Variants in SYCP2 observed in about 807,000 individuals in gnomAD.
SYCP2 encodes synaptonemal complex lateral element protein.
SYCP2 carries 55 observed loss-of-function variants against 211.3 expected under a neutral mutation model. That is an observed-to-expected ratio of 0.26 (90% CI 0.21 to 0.33). The LOEUF (loss-of-function observed/expected upper bound fraction) is 0.33. Among genes scored for constraint, SYCP2 ranks in the 10% least tolerant of loss-of-function variants. The pLI, the probability that SYCP2 is intolerant of heterozygous loss-of-function variation, is 1.00. For missense variants in SYCP2, 1,731 were observed against 1,752.0 expected, an observed-to-expected ratio of 0.99 and a Z score of 0.21; for synonymous variants, 570 against 555.2, an observed-to-expected ratio of 1.03 and a Z score of -0.37.
chr20:59,870,459 C>G (rs2059430053), intron 35 of SYCP2, among the ~76,000 whole-genome samples: 1 of 151,140 alleles, frequency 6.6e-6, no homozygotes, highest in African/African-American at 2.4e-5. Context: ...TTTAATACAG[C>G]AAAAAGAAGA....
chr20:59,907,312 G>A (rs974576883), intron 15 of SYCP2, 52 bp downstream of exon 15: 3 of 1,166,558 alleles, frequency 2.6e-6, no homozygotes, highest in African/African-American at 1.5e-5. Context: ...TGTAACATTT[G>A]TTCCATATGG....
chr20:59,890,697 G>C (rs181155440), intron 24 of SYCP2, among the ~76,000 whole-genome samples: 9 of 151,732 alleles, frequency 5.9e-5, no homozygotes, highest in Non-Finnish European at 1.2e-4. Flanking sequence ...CTGAAAACAG[G>C]AAGTTGATTT....
At chr20:59,875,547 A>T (rs767240938) in intron 33 of SYCP2, 78 bp from the exon 34 acceptor site, 1 of 1,077,096 alleles carries the variant, frequency 9.3e-7, no homozygotes, top group Non-Finnish European at 1.3e-6. Context: ...ATTATATTCA[A>T]ATATTTATTA....
In SYCP2 at chr20:59,865,851, CT is replaced by C; in HGVS notation, c.4334del (p.Lys1445ArgfsTer20). The C allele has an allele frequency of 1.4e-6, 2 of 1,421,164 alleles. No homozygotes were observed. The highest frequency in any genetic ancestry group is 1.9e-6 in the Non-Finnish European group (2 of 1,062,702). 88.0% of individuals were successfully genotyped at this position (1,421,164 alleles called of 1,614,324 possible). A position where few individuals can be genotyped will look rare whatever the true frequency, so the allele number is the denominator to read the frequency against. On this transcript the variant is annotated frameshift_variant, in exon 42 of 45. Transcript: ENST00000357552. LOFTEE classifies it high-confidence loss of function. ...LEKEFVDFWE[K>X]IFQKFSAYQK... ...GATATGCACTGAACTTCTGAAATATCTTTTCCCAAAAGTCCTAAATTAATTA... is the reference window on the plus strand; with the variant it reads ...GATATGCACTGAACTTCTGAAATATCTTTCCCAAAAGTCCTAAATTAATTA...
intron 24 of SYCP2, among the ~76,000 whole-genome samples, chr20:59,889,781 G>C (rs992817377): frequency 3.3e-5 from 5 of 151,980 alleles, no homozygotes; most frequent in Non-Finnish European, 1.5e-5. Context: ...CTGTGCCACT[G>C]AACTACCAAG....
intron 15 of SYCP2, among the ~76,000 whole-genome samples, chr20:59,904,060 ACAAG>A (rs1202009891): frequency 8.5e-5 from 13 of 152,286 alleles, no homozygotes; most frequent in African/African-American, 3.1e-4. Flanking sequence ...AGAAAAGAAG[ACAAG>A]CAAGTATTTA....
intron 2 of SYCP2, among the ~76,000 whole-genome samples, chr20:59,931,225 G>C (rs758421494): frequency 2.0e-5 from 3 of 152,200 alleles, no homozygotes; most frequent in Non-Finnish European, 4.4e-5. Flanking sequence ...CTCCAGACCA[G>C]CATGGGCAAC....
intron 18 of SYCP2, among the ~76,000 whole-genome samples, chr20:59,899,022 T>C (rs186814019): frequency 1.3e-5 from 2 of 152,228 alleles, no homozygotes; most frequent in Admixed American, 6.5e-5. Context: ...CACAAAACTT[T>C]TGGAGTAGAA....
intron 13 of SYCP2, chr20:59,912,103 T>C (rs1600950449): frequency 2.4e-6 from 1 of 413,608 alleles, no homozygotes; most frequent in East Asian, 4.3e-5. Flanking sequence ...CTAGTTTGAA[T>C]AGATTCATAC....
At chr20:59,876,049 G>T (rs1185595958) in intron 33 of SYCP2, among the ~76,000 whole-genome samples, 1 of 151,982 alleles carries the variant, frequency 6.6e-6, no homozygotes, top group African/African-American at 2.4e-5. Flanking sequence ...GAGAAGGCAT[G>T]TGACTATTTG....
rs746690602 is a variant in SYCP2 at position 59,920,314 on chromosome 20, TATA to T, written c.297+42_297+44del. On this transcript the variant is annotated intron_variant, in intron 5 of 44. Transcript: ENST00000357552. ...ATTTCTTACTAGAAAGCATATCTTT[TATA>T]ATATTTCATTCACATGAATATGTTA... The T allele has an allele frequency of 9.3e-5, 136 of 1,457,530 alleles. No homozygotes were observed. The African/African-American group carries it at 1.5e-3, about 16-fold the overall frequency. 90.3% of individuals were successfully genotyped at this position (1,457,530 alleles called of 1,614,324 possible). A position where few individuals can be genotyped will look rare whatever the true frequency, so the allele number is the denominator to read the frequency against.
At chr20:59,884,452 T>C (rs1471294243) in intron 26 of SYCP2, among the ~76,000 whole-genome samples, 1 of 152,108 alleles carries the variant, frequency 6.6e-6, no homozygotes, top group Non-Finnish European at 1.5e-5. Flanking sequence ...AAATGTACTA[T>C]GATTAAATAT....
At chr20:59,932,557 C>G (rs1323712849) in intron 1 of SYCP2, among the ~76,000 whole-genome samples, 1 of 152,154 alleles carries the variant, frequency 6.6e-6, no homozygotes, top group Non-Finnish European at 1.5e-5. Context: ...CCAAGTAGTC[C>G]CAGTTACTCC....
chr20:59,915,878 C>G (rs886350184), intron 8 of SYCP2, among the ~76,000 whole-genome samples: 4 of 152,028 alleles, frequency 2.6e-5, no homozygotes, highest in South Asian at 2.1e-4. Flanking sequence ...CCTGTAATCC[C>G]AGCTACTCGG....
intron 15 of SYCP2, 27 bp from the exon 16 acceptor site, chr20:59,901,837 T>A: frequency 6.5e-7 from 1 of 1,526,950 alleles, no homozygotes; most frequent in African/African-American, 1.4e-5. Flanking sequence ...CTGATTAGTT[T>A]ACGTTTCTAT....
intron 15 of SYCP2, among the ~76,000 whole-genome samples, chr20:59,903,674 G>GT (rs1311906778): frequency 2.6e-5 from 4 of 152,204 alleles, no homozygotes; most frequent in Non-Finnish European, 5.9e-5. Context: ...GTCAAAATGT[G>GT]TAAGTATTCT....
intron 33 of SYCP2, among the ~76,000 whole-genome samples, chr20:59,876,474 T>G (rs1029088964): frequency 1.4e-5 from 2 of 138,414 alleles, no homozygotes; most frequent in East Asian, 2.3e-4. Context: ...GGGTAAGAGA[T>G]AAGATTGCAA....
At chr20:59,877,222 A>G (rs1021639773) in intron 33 of SYCP2, among the ~76,000 whole-genome samples, 163 bp downstream of exon 33, 10 of 152,232 alleles carry the variant, frequency 6.6e-5, no homozygotes, top group African/African-American at 2.4e-4. Context: ...AAAATTTAGC[A>G]TTATATTGCC....
intron 13 of SYCP2, chr20:59,912,125 A>G (rs1271493355): frequency 7.2e-6 from 3 of 416,540 alleles, no homozygotes; most frequent in African/African-American, 4.2e-5. Context: ...TGATAAATCA[A>G]TAATGGTCTT....
Sources: gnomAD v4.1 joint callset for allele counts (sites outside exome capture counted in the v4.1 genomes callset) on GRCh38, gnomAD v4.1.1 for gene constraint, MANE v1.5 for transcripts, NCBI Gene and HGNC (gene_info 2026-07-23, HGNC 2026-07-21) for gene names.